Variants in CPNE7 observed in about 807,000 individuals in gnomAD.
CPNE7 encodes the protein copine 7.
In CPNE7, 78 loss-of-function variants were observed where a neutral mutation model predicts 66.5. That is an observed-to-expected ratio of 1.17 (90% CI 0.98 to 1.42). The LOEUF is 1.42. Ranked by LOEUF, CPNE7 falls within the 40% of genes most tolerant of loss-of-function variation. The pLI is 0.00. For missense variants in CPNE7, 1,012 were observed against 776.6 expected (o/e 1.30, Z -3.60); for synonymous variants, 468 against 336.7 (o/e 1.39, Z -4.27).
At position 89,596,687 on chromosome 16, in the gene CPNE7, C is replaced by A; in HGVS notation, c.*66C>A. ...CCGTACAGCCTCTGTCTGCAACATG[C>A]TTGGGGTCCCTTAAGCTCCCTCCGA... On this transcript the variant is annotated 3_prime_UTR_variant, in exon 15 of 15. Coordinates refer to ENST00000319518, the MANE Select transcript of CPNE7 (RefSeq NM_153636.3). 6.9e-7 allele frequency: 1 copy of A among 1,458,782 alleles called. No homozygotes were observed. Among genetic ancestry groups the A allele is most frequent in the Admixed American group, 2.4e-5 (1 of 40,946 alleles). The allele number at this position is 1,458,782 out of a possible 1,614,324, so 90.4% of individuals were successfully genotyped here. A position where few individuals can be genotyped will look rare whatever the true frequency, so the allele number is the denominator to read the frequency against.
chr16:89,591,997 C>A (rs937900912), intron 13 of CPNE7, among the ~76,000 whole-genome samples: 5 of 144,710 alleles, frequency 3.5e-5, no homozygotes, highest in Non-Finnish European at 6.0e-5. Context: ...CCGTGCCCGG[C>A]ATTCTTTTTT....
chr16:89,588,663 G>A lies in CPNE7; in HGVS notation c.928-12G>A, dbSNP rs374095893. The A allele has an allele frequency of 1.2e-4, 187 of 1,612,816 alleles. No individual in the cohort carries two copies. The highest frequency in any genetic ancestry group is 3.3e-4 in the East Asian group (15 of 44,880). On this transcript the variant is annotated splice_polypyrimidine_tract_variant and intron_variant, in intron 9 of 14. Coordinates refer to ENST00000319518, the MANE Select transcript of CPNE7 (RefSeq NM_153636.3). ...CGGCCCAGCACAGCTCCTGGCTCCCGGCCCACTGCAGGTGGCCATTGACTT... is the reference window on the plus strand; with the variant it reads ...CGGCCCAGCACAGCTCCTGGCTCCCAGCCCACTGCAGGTGGCCATTGACTT...
chr16:89,586,786 C>T (rs1324798601), intron 8 of CPNE7, 30 bp downstream of exon 8: 2 of 1,580,248 alleles, frequency 1.3e-6, no homozygotes, highest in East Asian at 4.5e-5. Flanking sequence ...GAAGCCTCCC[C>T]ACCCACAAGA....
chr16:89,587,693 G>A (rs1256103201), intron 9 of CPNE7: 24 of 344,262 alleles, frequency 7.0e-5, no homozygotes, highest in Admixed American at 2.4e-4. Context: ...CCATAGATAC[G>A]CACACCCCGT....
At chr16:89,588,882 C>T (rs2059127991) in intron 10 of CPNE7, 74 bp downstream of exon 10, 2 of 1,574,518 alleles carry the variant, frequency 1.3e-6, no homozygotes, top group Non-Finnish European at 1.7e-6. Context: ...CGTCTTCCCC[C>T]TCACCCCCCT....
chr16:89,591,653 C>T (rs919794216), intron 13 of CPNE7, among the ~76,000 whole-genome samples: 42 of 152,168 alleles, frequency 2.8e-4, no homozygotes, highest in African/African-American at 1.0e-3. Flanking sequence ...CACCGTGTGG[C>T]CCTGTATGTG....
rs1567957024 is a variant in CPNE7, at chr16:89,584,892, A to C, written c.591+35A>C. The C allele has an allele frequency of 2.5e-6, 4 of 1,574,348 alleles. No homozygotes were observed. Among genetic ancestry groups the C allele is most frequent in the Non-Finnish European group, 3.5e-6 (4 of 1,146,184 alleles). On this transcript the variant is annotated intron_variant, in intron 5 of 14. Coordinates refer to ENST00000319518, the MANE Select transcript of CPNE7 (RefSeq NM_153636.3). The surrounding 1 kb of genome is among the most constrained non-coding windows in gnomAD (Gnocchi z 6.0). ...CGGGGATGGGAACACAGGGAGGGGAAGGGGCTGTCCCCAGCCCTCACGCAT... is the reference window on the plus strand; with the variant it reads ...CGGGGATGGGAACACAGGGAGGGGACGGGGCTGTCCCCAGCCCTCACGCAT...
At chr16:89,590,341 A>G (rs1433949447) in intron 11 of CPNE7, among the ~76,000 whole-genome samples, 1 of 152,128 alleles carries the variant, frequency 6.6e-6, no homozygotes, top group Non-Finnish European at 1.5e-5. Context: ...CCTGGCCATC[A>G]TGGTGAAACC....
At position 89,596,945 on chromosome 16, in the gene CPNE7, G is replaced by A. The variant is rs1288389037; in HGVS notation, c.*324G>A. On this transcript the variant is annotated 3_prime_UTR_variant, in exon 15 of 15. Coordinates refer to ENST00000319518, the MANE Select transcript of CPNE7 (RefSeq NM_153636.3). ...CCCGATGAGAAGGGGCAGGGACTGG[G>A]GGCTCTGCTTTGCGTCTAACCTTTG... 8.2e-6 allele frequency: 2 copies of A among 244,880 alleles called. No homozygotes were observed. Among genetic ancestry groups the A allele is most frequent in the African/African-American group, 4.5e-5 (2 of 44,614 alleles). 15.2% of individuals were successfully genotyped at this position (244,880 alleles called of 1,614,324 possible).
At position 89,587,728 on chromosome 16, in the gene CPNE7, C is replaced by CACCCACAGAAACACGGCCCCCGTGTT; in HGVS notation, c.927+635_927+636insAACACGGCCCCCGTGTTACCCACAGA. The CACCCACAGAAACACGGCCCCCGTGTT allele has an allele frequency of 1.6e-5, 3 of 182,802 alleles. 1 individual carries two copies. In the East Asian group the frequency reaches 5.5e-4, roughly 33 times the overall value. 11.3% of individuals were successfully genotyped at this position (182,802 alleles called of 1,614,324 possible). ...TGTCACCCCCATAGCACCCCCGTGT[C>CACCCACAGAAACACGGCCCCCGTGTT]ACCCACAGATACACGGCCCCCGTGT... On this transcript the variant is annotated intron_variant, in intron 9 of 14. Coordinates refer to ENST00000319518, the MANE Select transcript of CPNE7 (RefSeq NM_153636.3).
Position 89,595,576 on chromosome 16 carries a change from G to C in CPNE7, c.1512G>C (p.Gln504His). The change falls in exon 14 of 15, where the codon CAG (glutamine) becomes CAC (histidine). Residue 504 changes from glutamine to histidine, a missense_variant. Physicochemically the swap from Gln to His is conservative, Grantham distance 24. Coordinates refer to ENST00000319518, the MANE Select transcript of CPNE7 (RefSeq NM_153636.3). ...RGEPALRDIV[Q>H]FVPFRELKNA... Reference sequence around the variant, plus strand: ...AGCCCGCGCTCCGGGACATCGTACAGTTCGTGCCCTTCCGGGAGCTCAAGA... The same window carrying C: ...AGCCCGCGCTCCGGGACATCGTACACTTCGTGCCCTTCCGGGAGCTCAAGA... 6.2e-7 allele frequency: 1 copy of C among 1,607,710 alleles called. No individual in the cohort carries two copies. Among genetic ancestry groups the C allele is most frequent in the Non-Finnish European group, 8.5e-7 (1 of 1,176,030 alleles).
chr16:89,591,709 G>GT (rs1186040753), intron 13 of CPNE7, among the ~76,000 whole-genome samples: 2 of 151,998 alleles, frequency 1.3e-5, no homozygotes, highest in Admixed American at 6.6e-5. Flanking sequence ...CTTTTCTTTT[G>GT]TTTTTTGTGA....
At chr16:89,576,662 C>T (rs1292086151) in intron 1 of CPNE7, among the ~76,000 whole-genome samples, 7 of 152,168 alleles carry the variant, frequency 4.6e-5, no homozygotes, top group Non-Finnish European at 7.4e-5. Flanking sequence ...CTCGAAAGGG[C>T]GAGAAACGCA....
At chr16:89,578,877 G>A (rs773782633) in intron 2 of CPNE7, 3 of 1,612,464 alleles carry the variant, frequency 1.9e-6, no homozygotes, top group East Asian at 2.2e-5. Flanking sequence ...AGTGGCTTCT[G>A]CAAGTCGTGA....
chr16:89,576,195 G>A, intron 1 of CPNE7, 124 bp downstream of exon 1: 1 of 785,986 alleles, frequency 1.3e-6, no homozygotes, highest in Non-Finnish European at 1.7e-6. Flanking sequence ...CCCGGAGCTG[G>A]GGCTCAGCTC....
At position 89,595,361 on chromosome 16, in the gene CPNE7, C is replaced by T. The variant is rs2151463595; in HGVS notation, c.1303-6C>T. 1 of 1,556,856 alleles carries T rather than the reference C, an allele frequency of 6.4e-7. No individual in the cohort carries two copies. ...GGTGTTGCTGATGCCTTTCCTGTGC[C>T]CCCAGCAATACTACATCCTGCTGAT... On this transcript the variant is annotated splice_region_variant and splice_polypyrimidine_tract_variant and intron_variant, in intron 13 of 14. Coordinates refer to ENST00000319518, the MANE Select transcript of CPNE7 (RefSeq NM_153636.3).
chr16:89,583,960 C>T, intron 3 of CPNE7, 68 bp from the exon 4 acceptor site: 2 of 1,577,380 alleles, frequency 1.3e-6, no homozygotes, highest in Non-Finnish European at 1.7e-6. Context: ...AGCCTGGGGC[C>T]TCTGGTCCCC....
rs1171952680 is a variant in CPNE7, at chr16:89,580,630, G to A, written c.357+2909G>A. 8.7e-5 allele frequency among the ~76,000 whole-genome samples: 8 copies of A among 91,876 alleles called. 1 individual carries two copies. The highest frequency in any genetic ancestry group is 1.3e-4 in the African/African-American group (3 of 23,526). The allele number at this position is 91,876 out of a possible 152,430, so 60.3% of individuals were successfully genotyped here. On this transcript the variant is annotated intron_variant, in intron 2 of 14. Transcript: ENST00000319518. ...CCCGCTGACACGGAACATCTCACCTGTCACACGGAACATCCCATCACCCGT... is the reference window on the plus strand; with the variant it reads ...CCCGCTGACACGGAACATCTCACCTATCACACGGAACATCCCATCACCCGT...
chr16:89,590,645 C>G (rs151338438), intron 11 of CPNE7, among the ~76,000 whole-genome samples: 1 of 150,742 alleles, frequency 6.6e-6, no homozygotes, highest in Non-Finnish European at 1.5e-5. Flanking sequence ...GTCTGCCTCC[C>G]TCTCTGTTTC....
Sources: allele counts gnomAD v4.1 joint callset (sites outside exome capture counted in the v4.1 genomes callset), GRCh38; gene constraint gnomAD v4.1.1; non-coding constraint Gnocchi (gnomAD v3.1); transcripts MANE v1.5; gene names NCBI Gene and HGNC (gene_info 2026-07-23, HGNC 2026-07-21).